Variants in KANK4 observed in about 807,000 individuals in gnomAD.
KANK4 encodes the protein KN motif and ankyrin repeat domain-containing protein 4.
In KANK4, 50 loss-of-function variants were observed where a neutral mutation model predicts 80.8. The ratio of observed to expected loss-of-function variants is 0.62; its 90% CI spans 0.49 to 0.78. KANK4 has a LOEUF of 0.78. Among genes scored for constraint, KANK4 ranks in the 30% least tolerant of loss-of-function variants. KANK4 has a pLI of 0.00. For synonymous variants in KANK4, 465 were observed against 506.9 expected (o/e 0.92, Z 1.11); for missense variants, 1,196 against 1,240.1 (o/e 0.96, Z 0.53).
chr1:62,249,545 A>ATT lies in KANK4; in HGVS notation c.2683-1875_2683-1874dup, dbSNP rs35046139. ...AGGCATGTGCCACTACATCTGGCCA[A>ATT]TTTTTTTTTTTTTTTGAGATGGAGT... On this transcript the variant is annotated intron_variant, in intron 8 of 9. Coordinates refer to ENST00000371153, the MANE Select transcript of KANK4 (RefSeq NM_181712.5). 7.7e-3 allele frequency among the ~76,000 whole-genome samples: 1,068 copies of ATT among 138,652 alleles called. 6 individuals carry two copies. Among genetic ancestry groups the ATT allele is most frequent in the Non-Finnish European group, 9.0e-3 (584 of 65,220 alleles). 91.0% of individuals were successfully genotyped at this position (138,652 alleles called of 152,430 possible). A position where few individuals can be genotyped will look rare whatever the true frequency, so the allele number is the denominator to read the frequency against.
At chr1:62,278,604 A>T (rs957142496) in intron 2 of KANK4, among the ~76,000 whole-genome samples, 2 of 151,660 alleles carry the variant, frequency 1.3e-5, no homozygotes, top group African/African-American at 4.8e-5. Context: ...TATTTTGGCC[A>T]GGCTGGTCTT....
At chr1:62,309,714 C>T (rs1414547869) in intron 1 of KANK4, among the ~76,000 whole-genome samples, 2 of 152,122 alleles carry the variant, frequency 1.3e-5, no homozygotes, top group African/African-American at 4.8e-5. Flanking sequence ...GATAGGGCAG[C>T]GATGTGACTT....
chr1:62,274,161 G>A lies in KANK4; in HGVS notation c.943C>T (p.Pro315Ser). 1.2e-6 allele frequency: 2 copies of A among 1,614,172 alleles called. No individual in the cohort carries two copies. Among genetic ancestry groups the A allele is most frequent in the East Asian group, 2.2e-5 (1 of 44,868 alleles). ...LNISEIPPPP[P>S]VEVDMRSIGI... The stretch of plus-strand genomic sequence containing the variant: ...ATGCTTCTCATGTCCACCTCTACAG[G>A]TGGCGGGGGTGGAATCTCGCTGATG... Residue 315 changes from proline (P) to serine (S), a missense_variant, in exon 3 of 10, where the codon CCT becomes TCT. By Grantham distance (74) the Pro-to-Ser change is moderately conservative. Coordinates refer to ENST00000371153, the MANE Select transcript of KANK4 (RefSeq NM_181712.5).
intron 9 of KANK4, among the ~76,000 whole-genome samples, chr1:62,243,584 C>T (rs1423225303): frequency 1.3e-5 from 2 of 152,122 alleles, no homozygotes; most frequent in African/African-American, 4.8e-5. Context: ...AGTGATCCAC[C>T]CGCCTCGGCC....
chr1:62,299,009 T>G (rs896419030), intron 1 of KANK4, among the ~76,000 whole-genome samples: 2 of 152,018 alleles, frequency 1.3e-5, no homozygotes, highest in African/African-American at 4.8e-5. Context: ...GTCACAAAGA[T>G]AGTAAAAGGC....
At chr1:62,256,231 C>T (rs1671748736) in intron 7 of KANK4, among the ~76,000 whole-genome samples, 1 of 152,104 alleles carries the variant, frequency 6.6e-6, no homozygotes, top group South Asian at 2.1e-4. Context: ...ACTGTTATTA[C>T]TATTATTGTC....
chr1:62,261,303 C>T (rs2149131070), intron 7 of KANK4, among the ~76,000 whole-genome samples: 1 of 152,150 alleles, frequency 6.6e-6, no homozygotes, highest in African/African-American at 2.4e-5. Flanking sequence ...GGATTACAGG[C>T]ATGCGTCACT....
At chr1:62,282,166 G>C (rs898265200) in intron 1 of KANK4, among the ~76,000 whole-genome samples, 1 of 152,178 alleles carries the variant, frequency 6.6e-6, no homozygotes, top group Non-Finnish European at 1.5e-5. Flanking sequence ...CTGCTACTTA[G>C]AGGTAATTTC....
chr1:62,277,675 A>G (rs1262350673), intron 2 of KANK4, among the ~76,000 whole-genome samples: 1 of 152,182 alleles, frequency 6.6e-6, no homozygotes, highest in Non-Finnish European at 1.5e-5. Context: ...CAGAAAGGTC[A>G]AGTGGAGGGA....
chr1:62,243,156 A>T (rs1396232528), intron 9 of KANK4, among the ~76,000 whole-genome samples: 1 of 151,484 alleles, frequency 6.6e-6, no homozygotes, highest in African/African-American at 2.4e-5. Flanking sequence ...CCTGATTGGC[A>T]CTCCAGTCCC....
In KANK4 at chr1:62,274,247, G is replaced by A. The variant is rs72925715; in HGVS notation, c.857C>T (p.Pro286Leu). ...AGGGATGGGTGATGGCAGAGGTGGC[G>A]GGCTTGGCGTAGGGGAGCCAGGGGT... is the stretch of plus-strand genomic sequence containing the variant. The part of the protein sequence containing the change: ...LFTPGSPTPS[P>L]PPLPSPIPEN... The change falls in exon 3 of 10, where the codon CCG becomes CTG. Residue 286 changes from proline to leucine, a missense_variant. This residue lies in a region of KANK4 where 1,154 missense variants were observed against 1,179.6 expected (regional missense o/e 0.98). Transcript: ENST00000371153. 2,274 of 1,613,996 alleles carry A rather than the reference G, an allele frequency of 1.4e-3. 13 individuals are homozygous for A. Among genetic ancestry groups the A allele is most frequent in the African/African-American group, 0.014 (1,040 of 75,026 alleles).
chr1:62,248,984 G>A (rs1671539703), intron 8 of KANK4, among the ~76,000 whole-genome samples: 2 of 131,000 alleles, frequency 1.5e-5, no homozygotes, highest in East Asian at 4.9e-4. Flanking sequence ...CCAACATGGT[G>A]AAACTCTGTC....
intron 1 of KANK4, among the ~76,000 whole-genome samples, chr1:62,307,507 G>A (rs1468234061): frequency 6.7e-6 from 1 of 150,052 alleles, no homozygotes; most frequent in Non-Finnish European, 1.5e-5. Context: ...AATTCCTGAG[G>A]AGTAGTTAAA....
intron 1 of KANK4, among the ~76,000 whole-genome samples, chr1:62,310,199 A>G (rs546621387): frequency 6.6e-6 from 1 of 152,320 alleles, no homozygotes; most frequent in Non-Finnish European, 1.5e-5. Context: ...CAGCTCAGTC[A>G]TTCAATCCCC....
intron 1 of KANK4, among the ~76,000 whole-genome samples, chr1:62,285,943 C>T (rs1249016489): frequency 3.3e-5 from 5 of 152,148 alleles, no homozygotes; most frequent in African/African-American, 1.2e-4. Context: ...TTGAGAGGGC[C>T]GAAGCCGGGA....
chr1:62,277,570 C>A (rs1352625507), intron 2 of KANK4, among the ~76,000 whole-genome samples: 9 of 152,170 alleles, frequency 5.9e-5, no homozygotes, highest in Admixed American at 5.9e-4. Flanking sequence ...CCACCTGGGT[C>A]TCTTACAATG....
chr1:62,315,470 G>C (rs1644531292), intron 1 of KANK4, among the ~76,000 whole-genome samples: 1 of 152,164 alleles, frequency 6.6e-6, no homozygotes, highest in Non-Finnish European at 1.5e-5. Context: ...GACTATGCCA[G>C]GGATCGACAC....
intron 6 of KANK4, among the ~76,000 whole-genome samples, chr1:62,265,565 C>T (rs1264307367): frequency 2.0e-5 from 3 of 152,136 alleles, no homozygotes; most frequent in Non-Finnish European, 2.9e-5. Flanking sequence ...CTTTAGGGAA[C>T]AACTATTTGT....
intron 1 of KANK4, among the ~76,000 whole-genome samples, chr1:62,283,430 G>A (rs1329058866): frequency 2.0e-5 from 3 of 152,222 alleles, no homozygotes; most frequent in South Asian, 2.1e-4. Context: ...ACAAGCAAGT[G>A]TTGTAGCAGG....
Sources: gnomAD v4.1 joint callset for allele counts (sites outside exome capture counted in the v4.1 genomes callset) on GRCh38, gnomAD v4.1.1 for gene constraint, gnomAD v4.1.1 regional missense constraint, MANE v1.5 for transcripts, NCBI Gene and HGNC (gene_info 2026-07-23, HGNC 2026-07-21) for gene names.